The following COTL1 variants were observed in gnomAD, a reference collection of about 807,000 sequenced individuals.
COTL1 encodes the protein coactosin like F-actin binding protein 1.
COTL1 carries 15 observed loss-of-function variants against 16.5 expected under a neutral mutation model. The observed-to-expected ratio is 0.91, with a 90% confidence interval of 0.61 to 1.40. The LOEUF is 1.40. Among genes scored for constraint, COTL1 ranks in the 40% most tolerant of loss-of-function variants. COTL1 has a pLI of 0.00. For synonymous variants in COTL1, 112 were observed against 85.3 expected (o/e 1.31, Z -1.73); for missense variants, 220 against 201.5 (o/e 1.09, Z -0.56).
chr16:84,592,733 G>A (rs777909125), intron 2 of COTL1, among the ~76,000 whole-genome samples: 1 of 152,158 alleles, frequency 6.6e-6, no homozygotes, highest in Non-Finnish European at 1.5e-5. Context: ...ATACTGGCCT[G>A]CAGCTGACAA....
chr16:84,602,483 G>C (rs1017037430), intron 2 of COTL1, among the ~76,000 whole-genome samples: 2 of 151,968 alleles, frequency 1.3e-5, no homozygotes. Flanking sequence ...CAGAGAGCAG[G>C]AATGAATAGA....
chr16:84,617,437 G>A (rs1160466818), intron 2 of COTL1, 64 bp downstream of exon 2: 4 of 1,475,930 alleles, frequency 2.7e-6, no homozygotes, highest in South Asian at 2.4e-5. Context: ...CTCTGGCCGG[G>A]GCTCCCCGGG....
rs752902366 is a variant in COTL1 at position 84,565,722 on chromosome 16, G to A, written c.*1123C>T. On this transcript the variant is annotated 3_prime_UTR_variant, in exon 4 of 4. Coordinates refer to ENST00000262428, the MANE Select transcript of COTL1 (RefSeq NM_021149.5). ...ATGAGCAAGGAAAAACAGAAAAAGA[G>A]CTATATCAAATGTGCTCATGAAGAA... The A allele has an allele frequency of 3.3e-5, 5 of 152,646 alleles. No individual in the cohort carries two copies. Among genetic ancestry groups the A allele is most frequent in the Non-Finnish European group, 7.3e-5 (5 of 68,098 alleles). 9.5% of individuals were successfully genotyped at this position (152,646 alleles called of 1,614,324 possible). A position where few individuals can be genotyped will look rare whatever the true frequency, so the allele number is the denominator to read the frequency against.
At chr16:84,611,443 A>G (rs1905321955) in intron 2 of COTL1, among the ~76,000 whole-genome samples, 1 of 152,248 alleles carries the variant, frequency 6.6e-6, no homozygotes, top group Admixed American at 6.5e-5. Flanking sequence ...AGGTGGCTCT[A>G]AAATATCTAT....
At chr16:84,615,051 G>C (rs933410496) in intron 2 of COTL1, among the ~76,000 whole-genome samples, 1 of 152,214 alleles carries the variant, frequency 6.6e-6, no homozygotes, top group South Asian at 2.1e-4. Flanking sequence ...GATAAGGCAC[G>C]TCGAGCGTGG....
intron 2 of COTL1, among the ~76,000 whole-genome samples, chr16:84,611,431 G>C (rs1905321745): frequency 6.6e-6 from 1 of 152,222 alleles, no homozygotes; most frequent in African/African-American, 2.4e-5. Flanking sequence ...AGTTGTTGTG[G>C]GAGGTGGCTC....
intron 3 of COTL1, 119 bp downstream of exon 3, chr16:84,589,986 G>T: frequency 1.0e-6 from 1 of 978,384 alleles, no homozygotes; most frequent in Non-Finnish European, 1.5e-6. Context: ...GACATAGCAT[G>T]GCTTGTCCCA....
At chr16:84,574,428 G>A (rs1006398965) in intron 3 of COTL1, among the ~76,000 whole-genome samples, 6 of 152,166 alleles carry the variant, frequency 3.9e-5, no homozygotes, top group Non-Finnish European at 7.4e-5. Flanking sequence ...CTGGGAACTC[G>A]GTGTCGCTCT....
chr16:84,606,285 C>T (rs566197082), intron 2 of COTL1, among the ~76,000 whole-genome samples: 15 of 152,188 alleles, frequency 9.9e-5, no homozygotes, highest in Admixed American at 2.0e-4. Context: ...TGGTAGCGGC[C>T]GGGAGCCTTG....
At chr16:84,588,007 C>G (rs35113663) in intron 3 of COTL1, among the ~76,000 whole-genome samples, 5,402 of 151,904 alleles carry the variant, frequency 0.036, 141 homozygotes, top group Admixed American at 0.089. Context: ...CCTGACCTTA[C>G]GTGATCCGCC....
At chr16:84,567,212 G>A (rs557252972) in intron 3 of COTL1, 50 of 395,330 alleles carry the variant, frequency 1.3e-4, no homozygotes, top group Admixed American at 5.0e-4. Context: ...TCCCATGTCC[G>A]TGGGGATGGC....
intron 3 of COTL1, among the ~76,000 whole-genome samples, chr16:84,579,292 T>A (rs1428782068): frequency 6.6e-6 from 1 of 152,110 alleles, no homozygotes; most frequent in Non-Finnish European, 1.5e-5. Flanking sequence ...AGGTCAGGAG[T>A]TCGCGACCAG....
intron 3 of COTL1, among the ~76,000 whole-genome samples, chr16:84,572,951 A>G (rs1263332373): frequency 7.0e-6 from 1 of 143,532 alleles, no homozygotes; most frequent in Non-Finnish European, 1.5e-5. Flanking sequence ...ATGGGGTTTT[A>G]CCATGTTGCC....
chr16:84,606,684 C>T (rs1348322762), intron 2 of COTL1, among the ~76,000 whole-genome samples: 1 of 152,214 alleles, frequency 6.6e-6, no homozygotes, highest in African/African-American at 2.4e-5. Flanking sequence ...CTCAACCTCA[C>T]AGAGGCACAG....
chr16:84,576,444 C>T (rs1180062712), intron 3 of COTL1: 4 of 152,082 alleles, frequency 2.6e-5, no homozygotes, highest in Non-Finnish European at 5.9e-5. Flanking sequence ...TTTGTTCTTC[C>T]CACGAACACA....
At chr16:84,574,691 C>A (rs963168854) in intron 3 of COTL1, among the ~76,000 whole-genome samples, 1 of 152,120 alleles carries the variant, frequency 6.6e-6, no homozygotes, top group Non-Finnish European at 1.5e-5. Flanking sequence ...TCAAGTGATT[C>A]TCCTGCCTCT....
At chr16:84,605,742 C>A (rs1001479262) in intron 2 of COTL1, among the ~76,000 whole-genome samples, 1 of 152,238 alleles carries the variant, frequency 6.6e-6, no homozygotes, top group African/African-American at 2.4e-5. Flanking sequence ...GAGAAAGCAG[C>A]CCTGTCCACA....
intron 3 of COTL1, among the ~76,000 whole-genome samples, chr16:84,583,220 C>T (rs1053592069): frequency 2.6e-5 from 4 of 152,188 alleles, no homozygotes; most frequent in Non-Finnish European, 5.9e-5. Flanking sequence ...TTCTTCGGAT[C>T]CCAAGCTCCT....
chr16:84,598,546 G>A (rs1462303705), intron 2 of COTL1, among the ~76,000 whole-genome samples: 1 of 151,948 alleles, frequency 6.6e-6, no homozygotes, highest in Non-Finnish European at 1.5e-5. Context: ...CTTTTCTCTG[G>A]CCTTTCCCTC....
Sources: gnomAD v4.1 joint callset for allele counts (sites outside exome capture counted in the v4.1 genomes callset) on GRCh38, gnomAD v4.1.1 for gene constraint, MANE v1.5 for transcripts, NCBI Gene and HGNC (gene_info 2026-07-23, HGNC 2026-07-21) for gene names.